Variants in SEPTIN12 observed in about 807,000 individuals in gnomAD.
The protein encoded by SEPTIN12 is septin 12.
A neutral mutation model predicts 37.7 loss-of-function variants in SEPTIN12; 42 were observed. That is an observed-to-expected ratio of 1.11 (90% CI 0.87 to 1.44). The LOEUF is 1.44. SEPTIN12 is among the 40% of genes most tolerant of loss of function. The pLI, the probability that SEPTIN12 is intolerant of heterozygous loss-of-function variation, is 0.00. For missense variants in SEPTIN12, 613 were observed against 479.2 expected, an observed-to-expected ratio of 1.28 and a Z score of -2.61; for synonymous variants, 254 against 196.7, an observed-to-expected ratio of 1.29 and a Z score of -2.44.
intron 4 of SEPTIN12, chr16:4,784,355 G>A: frequency 2.5e-6 from 1 of 398,102 alleles, no homozygotes; most frequent in Non-Finnish European, 4.7e-6. Flanking sequence ...AAGGGCCACA[G>A]CTGGGCCCAA....
chr16:4,789,464 T>C (rs1461804405), upstream of SEPTIN12, among the ~76,000 whole-genome samples: 12 of 152,108 alleles, frequency 7.9e-5, no homozygotes. Flanking sequence ...TAGCTGGGAC[T>C]ACAGGCGCCT....
At chr16:4,781,825 G>C (rs1404645712) in intron 7 of SEPTIN12, among the ~76,000 whole-genome samples, 1 of 151,450 alleles carries the variant, frequency 6.6e-6, no homozygotes, top group Non-Finnish European at 1.5e-5. Flanking sequence ...TGTATTTTTA[G>C]GAGAGACGGG....
chr16:4,789,222 G>C (rs2082509476), upstream of SEPTIN12, among the ~76,000 whole-genome samples: 1 of 152,204 alleles, frequency 6.6e-6, no homozygotes, highest in South Asian at 2.1e-4. Flanking sequence ...ACATTGGTCA[G>C]GCTAGTCACA....
chr16:4,778,158 T>G (rs777040404), intron 8 of SEPTIN12, 21 bp from the exon 9 acceptor site: 4 of 1,613,992 alleles, frequency 2.5e-6, no homozygotes, highest in Non-Finnish European at 3.4e-6. Context: ...TGGGACTCAG[T>G]ATGGGCGCTG....
upstream of SEPTIN12, among the ~76,000 whole-genome samples, chr16:4,789,428 C>CCGGGAGGTTCA (rs2082515266): frequency 6.6e-6 from 1 of 151,970 alleles, no homozygotes; most frequent in African/African-American, 2.4e-5. Flanking sequence ...CGGGTTCACG[C>CCGGGAGGTTCA]CGCTCTCCTG....
intron 2 of SEPTIN12, among the ~76,000 whole-genome samples, chr16:4,786,699 C>T (rs546650731): frequency 1.3e-5 from 2 of 152,016 alleles, no homozygotes; most frequent in African/African-American, 4.8e-5. Context: ...AATCTGTCAC[C>T]CAGACTCAAG....
chr16:4,779,102 C>T (rs2082344854), intron 8 of SEPTIN12, among the ~76,000 whole-genome samples: 1 of 151,754 alleles, frequency 6.6e-6, no homozygotes, highest in South Asian at 2.1e-4. Context: ...CACGCCACCG[C>T]ACTCCAGCTC....
chr16:4,779,135 C>T (rs1252059707), intron 8 of SEPTIN12, among the ~76,000 whole-genome samples: 1 of 152,010 alleles, frequency 6.6e-6, no homozygotes, highest in Non-Finnish European at 1.5e-5. Context: ...GAGACTCCAT[C>T]TCAAAAAAAT....
chr16:4,789,913 C>CT (rs200769927), upstream of SEPTIN12: 1,466 of 144,400 alleles, frequency 0.01, 28 homozygotes, highest in African/African-American at 0.032. Context: ...TCTTTTCTTT[C>CT]TTTTTTTTTT....
rs371195126 is a variant in SEPTIN12 at position 4,783,690 on chromosome 16, C to T, written c.589G>A (p.Asp197Asn). ...TCTCGCTCCTCCATGGTCAGGCTGT[C>T]GGCCCTGGCAATCACGGGCACCACA... The part of the protein sequence containing the change: ...VNVVPVIARA[D>N]SLTMEEREAF... Residue 197 changes from aspartate to asparagine, a missense_variant, in exon 6 of 10, where the codon GAC (aspartate) becomes AAC (asparagine). Coordinates refer to ENST00000268231, the MANE Select transcript of SEPTIN12 (RefSeq NM_144605.5). 1.4e-5 allele frequency: 23 copies of T among 1,613,976 alleles called. No individual in the cohort carries two copies. The highest frequency in any genetic ancestry group is 3.3e-4 in the Middle Eastern group (2 of 6,082).
At chr16:4,780,461 C>T (rs1438425257) in intron 7 of SEPTIN12, among the ~76,000 whole-genome samples, 1 of 152,112 alleles carries the variant, frequency 6.6e-6, no homozygotes, top group Non-Finnish European at 1.5e-5. Flanking sequence ...TATGGCTGCT[C>T]TTGAACCATG....
intron 4 of SEPTIN12, 169 bp downstream of exon 4, chr16:4,785,638 G>T (rs528744662): frequency 5.1e-6 from 3 of 590,858 alleles, no homozygotes; most frequent in Non-Finnish European, 9.0e-6. Flanking sequence ...TTAGCTGGGC[G>T]TGGTGGCGGG....
chr16:4,789,471 G>A (rs1011748583), upstream of SEPTIN12, among the ~76,000 whole-genome samples: 2 of 151,474 alleles, frequency 1.3e-5, no homozygotes, highest in Non-Finnish European at 2.9e-5. Flanking sequence ...GACTACAGGC[G>A]CCTGCCACCA....
rs141131050 is a variant in SEPTIN12 at position 4,779,695 on chromosome 16, A to G, written c.818T>C (p.Ile273Thr). 41 of 1,609,390 alleles carry G rather than the reference A, an allele frequency of 2.5e-5. No homozygotes were observed. The highest frequency in any genetic ancestry group is 1.7e-4 in the Middle Eastern group (1 of 5,978). ...CCCAGGGGCCCCGCACTGACCTTCA[A>G]TGATGCCCCACTTGGTCTTCCGGCC... ...VLGRKTKWGI[I>T]EVENMAHCEF... Residue 273 changes from isoleucine (I) to threonine (T), a missense_variant, in exon 8 of 10, where the codon ATT (isoleucine) becomes ACT (threonine). Physicochemically the swap from Ile to Thr is moderately conservative, Grantham distance 89. Coordinates refer to ENST00000268231, the MANE Select transcript of SEPTIN12 (RefSeq NM_144605.5).
chr16:4,787,148 T>TTACA, intron 2 of SEPTIN12, among the ~76,000 whole-genome samples: 1 of 152,240 alleles, frequency 6.6e-6, no homozygotes, highest in Middle Eastern at 3.4e-3. Flanking sequence ...AGTGCTGGAA[T>TTACA]TACAGGCTTG....
intron 5 of SEPTIN12, 66 bp downstream of exon 5, chr16:4,783,865 G>GGGAC: frequency 6.2e-7 from 1 of 1,607,624 alleles, no homozygotes; most frequent in Non-Finnish European, 8.5e-7. Context: ...GCCCATGGTG[G>GGGAC]GGACCCCTTC....
At position 4,777,953 on chromosome 16, in the gene SEPTIN12, A is replaced by G. The variant is rs368688476; in HGVS notation, c.921T>C (p.Tyr307=). Residue 307 remains tyrosine (Y), a synonymous_variant, in exon 10 of 10, where the codon TAT becomes TAC. Transcript: ENST00000268231. ...DLKDITHNIH[Y]ENYRVIRLNE... ...TGAGTCTGATGACGCGGTAGTTCTC[A>G]TAGTGGATGTTGTGGGTTATGTCCT... is the stretch of plus-strand genomic sequence containing the variant. 4 of 1,610,390 alleles carry G rather than the reference A, an allele frequency of 2.5e-6. No individual in the cohort carries two copies. Among genetic ancestry groups the G allele is most frequent in the Non-Finnish European group, 3.4e-6 (4 of 1,178,394 alleles).
At chr16:4,789,545 C>G (rs2082518036), upstream of SEPTIN12, among the ~76,000 whole-genome samples, 1 of 152,144 alleles carries the variant, frequency 6.6e-6, no homozygotes, top group African/African-American at 2.4e-5. Context: ...CCAGGATGGT[C>G]TCGATCTCCT....
chr16:4,785,794 A>AC lies in SEPTIN12; in HGVS notation c.374+12_374+13insG. ...ACTCTGCCTAAAAAAAAAAAAAAAG[A>AC]GAGAGAACCTACCAGTTGTCATTGT... is the stretch of plus-strand genomic sequence containing the variant. On this transcript the variant is annotated intron_variant, in intron 4 of 9. Transcript: ENST00000268231. 2.8e-6 allele frequency: 4 copies of AC among 1,436,544 alleles called. No individual in the cohort carries two copies. The highest frequency in any genetic ancestry group is 2.1e-5 in the African/African-American group (1 of 46,936). The allele number at this position is 1,436,544 out of a possible 1,614,324, so 89.0% of individuals were successfully genotyped here. A position where few individuals can be genotyped will look rare whatever the true frequency, so the allele number is the denominator to read the frequency against.
Sources: gnomAD v4.1 joint callset for allele counts (sites outside exome capture counted in the v4.1 genomes callset) on GRCh38, gnomAD v4.1.1 for gene constraint, MANE v1.5 for transcripts, NCBI Gene and HGNC (gene_info 2026-07-23, HGNC 2026-07-21) for gene names.